LARGE1: variants seen among roughly 807,000 people sequenced by gnomAD.
LARGE1 encodes LARGE xylosyl- and glucuronyltransferase 1.
A neutral mutation model predicts 87.6 loss-of-function variants in LARGE1; 43 were observed. The ratio of observed to expected loss-of-function variants is 0.49; its 90% CI spans 0.38 to 0.63. The LOEUF is 0.63. Among genes scored for constraint, LARGE1 ranks in the 30% least tolerant of loss-of-function variants. The pLI is 0.00. For synonymous variants in LARGE1, 434 were observed against 394.6 expected, an observed-to-expected ratio of 1.10 and a Z score of -1.18; for missense variants, 802 against 1,000.2, an observed-to-expected ratio of 0.80 and a Z score of 2.67.
chr22:33,853,562 A>T (rs1332822231), intron 1 of LARGE1, among the ~76,000 whole-genome samples: 1 of 152,210 alleles, frequency 6.6e-6, no homozygotes, highest in Non-Finnish European at 1.5e-5. Context: ...GCAAAACACC[A>T]CACACCAGTA....
chr22:33,132,634 C>G, the LARGE1 span, among the ~76,000 whole-genome samples: 1 of 151,300 alleles, frequency 6.6e-6, no homozygotes, highest in Non-Finnish European at 1.5e-5. Flanking sequence ...TGATAGAACA[C>G]ACAGCACTTA....
chr22:33,664,742 T>C (rs753773039), intron 2 of LARGE1, among the ~76,000 whole-genome samples: 4 of 152,136 alleles, frequency 2.6e-5, no homozygotes, highest in Non-Finnish European at 5.9e-5. Flanking sequence ...CACATGCCTA[T>C]AGTCTCAGCT....
chr22:33,261,469 T>C (rs1256633384), intron 11 of LARGE1, among the ~76,000 whole-genome samples: 1 of 152,176 alleles, frequency 6.6e-6, no homozygotes, highest in African/African-American at 2.4e-5. Flanking sequence ...CATTTTTCTG[T>C]GTCCCAAATT....
intron 6 of LARGE1, among the ~76,000 whole-genome samples, chr22:33,546,271 A>T (rs1255607879): frequency 6.6e-6 from 1 of 152,228 alleles, no homozygotes; most frequent in Non-Finnish European, 1.5e-5. Context: ...TGCAACTGAC[A>T]TAGGGAACAC....
At chr22:33,675,194 TA>T (rs1412213135) in intron 2 of LARGE1, among the ~76,000 whole-genome samples, 1 of 144,396 alleles carries the variant, frequency 6.9e-6, no homozygotes, top group African/African-American at 2.6e-5. Flanking sequence ...CTCAGGAGGC[TA>T]AGGCAGCAGA....
the LARGE1 span, among the ~76,000 whole-genome samples, chr22:33,095,212 G>T: frequency 6.6e-6 from 1 of 152,194 alleles, no homozygotes; most frequent in South Asian, 2.1e-4. Context: ...AGTTCTGGAG[G>T]CTAGAAGTGC....
chr22:33,080,645 C>T, the LARGE1 span, among the ~76,000 whole-genome samples: 1 of 152,142 alleles, frequency 6.6e-6, no homozygotes, highest in Non-Finnish European at 1.5e-5. Flanking sequence ...GCTCTAATGA[C>T]TAATATCATA....
rs80016718 is a variant in LARGE1, at chr22:33,316,047, G to A, written c.1451+38C>T. On this transcript the variant is annotated intron_variant, in intron 11 of 14. Transcript: ENST00000397394. ...TCTCTATCCTCCATGTAACAGCCGC[G>A]GTGAGGAGACTGGGGTGGGTGAGGC... 2,194 of 1,608,520 alleles carry A rather than the reference G, an allele frequency of 1.4e-3. 29 individuals carry two copies. The African/African-American group carries it at 0.027, about 20-fold the overall frequency.
chr22:33,364,686 G>A (rs557167169), intron 9 of LARGE1, among the ~76,000 whole-genome samples: 3 of 152,222 alleles, frequency 2.0e-5, no homozygotes, highest in Non-Finnish European at 4.4e-5. Flanking sequence ...TAAGCATAAT[G>A]TCCTCAAAGT....
Position 33,394,702 on chromosome 22 carries a change from C to CGTGTGTGTGTGT in LARGE1, c.893-10410_893-10399dup, listed in dbSNP as rs59338001. Among the ~76,000 whole-genome samples, 43 of 142,418 alleles carry CGTGTGTGTGTGT rather than the reference C, an allele frequency of 3.0e-4. No homozygotes were observed. The East Asian group carries it at 6.2e-3, about 21-fold the overall frequency. The allele number at this position is 142,418 out of a possible 152,430, so 93.4% of individuals were successfully genotyped here. A position where few individuals can be genotyped will look rare whatever the true frequency, so the allele number is the denominator to read the frequency against. On this transcript the variant is annotated intron_variant, in intron 7 of 14. Transcript: ENST00000397394. ...CCATGTGGTCTCAACCTCCTGGGAG[C>CGTGTGTGTGTGT]GTGTGTGTGTGTGTGTGTGTGTGTG... is the stretch of plus-strand genomic sequence containing the variant.
At chr22:33,149,123 C>T in the LARGE1 span, among the ~76,000 whole-genome samples, 12,135 of 150,912 alleles carry the variant, frequency 0.08, 588 homozygotes, top group African/African-American at 0.14. Context: ...CTGCAATCTC[C>T]GCCTCCTGGT....
the LARGE1 span, among the ~76,000 whole-genome samples, chr22:33,066,877 C>T: frequency 6.6e-6 from 1 of 152,150 alleles, no homozygotes; most frequent in Non-Finnish European, 1.5e-5. Flanking sequence ...AGAACAGATT[C>T]AGCCTGAACT....
intron 11 of LARGE1, among the ~76,000 whole-genome samples, chr22:33,242,498 TA>T (rs1173226281): frequency 3.3e-5 from 5 of 152,214 alleles, no homozygotes; most frequent in African/African-American, 1.2e-4. Flanking sequence ...AAAGCTATTT[TA>T]TACAATTTTG....
chr22:33,570,275 TTCAGATGAC>T (rs1286128806), intron 5 of LARGE1, among the ~76,000 whole-genome samples: 1 of 152,154 alleles, frequency 6.6e-6, no homozygotes, highest in East Asian at 1.9e-4. Context: ...AATACCGAAG[TTCAGATGAC>T]TCAGAATTTG....
At chr22:33,794,449 G>T (rs116801124) in intron 1 of LARGE1, among the ~76,000 whole-genome samples, 169 of 152,292 alleles carry the variant, frequency 1.1e-3, no homozygotes, top group Non-Finnish European at 1.9e-3. Flanking sequence ...GCAAATACCA[G>T]AAGCCAGGCA....
intron 6 of LARGE1, among the ~76,000 whole-genome samples, chr22:33,462,220 C>A (rs1024707039): frequency 6.6e-6 from 1 of 152,030 alleles, no homozygotes; most frequent in Non-Finnish European, 1.5e-5. Flanking sequence ...CAATGTAAGC[C>A]TTAAGGGAGT....
At chr22:33,477,648 C>T (rs895825494) in intron 6 of LARGE1, among the ~76,000 whole-genome samples, 7 of 152,124 alleles carry the variant, frequency 4.6e-5, no homozygotes, top group Admixed American at 1.3e-4. Flanking sequence ...CAGTGAGCTC[C>T]GCCAGGTCTT....
chr22:33,190,022 C>T (rs1274134137), intron 11 of LARGE1, among the ~76,000 whole-genome samples: 1 of 152,156 alleles, frequency 6.6e-6, no homozygotes, highest in African/African-American at 2.4e-5. Flanking sequence ...ATTATCCATG[C>T]TCATACTTTT....
chr22:33,105,903 A>T, the LARGE1 span: 1 of 152,386 alleles, frequency 6.6e-6, no homozygotes, highest in African/African-American at 2.4e-5. Context: ...CCTGGGCTGG[A>T]AGCCAAGTGG....
Sources: allele counts gnomAD v4.1 joint callset (sites outside exome capture counted in the v4.1 genomes callset), GRCh38; gene constraint gnomAD v4.1.1; transcripts MANE v1.5; gene names NCBI Gene and HGNC (gene_info 2026-07-23, HGNC 2026-07-21).